The following ZNF875 variants were observed in gnomAD, a reference collection of about 807,000 sequenced individuals.
ZNF875 encodes the protein zinc finger protein 875, also known as HKR1, GLI-Kruppel zinc finger family member.
ZNF875 carries 14 observed loss-of-function variants against 11.2 expected under a neutral mutation model. The observed-to-expected ratio is 1.26, with a 90% CI of 0.83 to 1.96. ZNF875 has a LOEUF of 1.96. Among genes scored for constraint, ZNF875 ranks in the 30% most tolerant of loss-of-function variants. The probability of loss-of-function intolerance (pLI) is 0.00; values close to 1 mark genes in which losing one functional copy is unlikely to be tolerated. For synonymous variants in ZNF875, 301 were observed against 281.1 expected (o/e 1.07, Z -0.71); for missense variants, 752 against 760.4 (o/e 0.99, Z 0.13).
At chr19:37,347,684 C>T (rs2037076057) in intron 3 of ZNF875, 93 bp from the exon 4 acceptor site, 3 of 789,548 alleles carry the variant, frequency 3.8e-6, no homozygotes, top group Middle Eastern at 2.3e-4. Context: ...CTTTTTTATC[C>T]TCTGGGTTTC....
intron 3 of ZNF875, among the ~76,000 whole-genome samples, chr19:37,323,948 A>T (rs1039449966): frequency 7.2e-4 from 109 of 152,310 alleles, no homozygotes; most frequent in Middle Eastern, 3.4e-3. Flanking sequence ...ACAGTGGATC[A>T]GGAGTGGAAA....
At chr19:37,355,340 C>T (rs1306926314) in intron 4 of ZNF875, among the ~76,000 whole-genome samples, 1 of 152,138 alleles carries the variant, frequency 6.6e-6, no homozygotes, top group Non-Finnish European at 1.5e-5. Context: ...CAGGTGCACG[C>T]CACCATGCCT....
chr19:37,341,333 C>T (rs2035678511), intron 2 of ZNF875, among the ~76,000 whole-genome samples: 1 of 152,170 alleles, frequency 6.6e-6, no homozygotes, highest in Non-Finnish European at 1.5e-5. Context: ...CAGATTTCAC[C>T]TGGTCTTGTC....
At position 37,363,459 on chromosome 19, in the gene ZNF875, G is replaced by T; in HGVS notation, c.1607G>T (p.Cys536Phe). Reference sequence around the variant, plus strand: ...CATTCAGGGGAAAAGCCTTTTATGTGCAGGGAGTGTGGCAGAAGGTTTCGG... The same window carrying T: ...CATTCAGGGGAAAAGCCTTTTATGTTCAGGGAGTGTGGCAGAAGGTTTCGG... ...RTHSGEKPFMCRECGRRFRQK... is the reference protein window; with the variant it reads ...RTHSGEKPFMFRECGRRFRQK... Residue 536 changes from cysteine to phenylalanine, a missense_variant, in exon 5 of 5, where the codon TGC becomes TTC. Physicochemically the swap from Cys to Phe is radical, Grantham distance 205 (BLOSUM62 -2). Transcript: ENST00000392153. 1 of 1,613,976 alleles carries T rather than the reference G, an allele frequency of 6.2e-7. No individual in the cohort carries two copies.
rs773533428 is a variant in ZNF875 at position 37,362,906 on chromosome 19, A to G, written c.1054A>G (p.Asn352Asp). ...TGGGCAGAGCTTTAGCCTGAAGTCAAACCTCATTACCCACCAGAGGGCGCA... is the reference window on the plus strand; with the variant it reads ...TGGGCAGAGCTTTAGCCTGAAGTCAGACCTCATTACCCACCAGAGGGCGCA... ...ECGQSFSLKS[N>D]LITHQRAHTG... Residue 352 changes from asparagine (N) to aspartate (D), a missense_variant, in exon 5 of 5, where the codon AAC becomes GAC. Coordinates refer to ENST00000392153, the MANE Select transcript of ZNF875 (RefSeq NM_001353803.2). The G allele has an allele frequency of 7.4e-6, 12 of 1,613,422 alleles. No individual in the cohort carries two copies. The East Asian group carries it at 2.7e-4, about 36-fold the overall frequency.
chr19:37,335,011 C>T (rs2034033236), intron 1 of ZNF875, 158 bp from the exon 2 acceptor site: 1 of 548,672 alleles, frequency 1.8e-6, no homozygotes, highest in Non-Finnish European at 3.3e-6. Context: ...TTGAGGGTGG[C>T]TGGGTCATCC....
upstream of ZNF875, among the ~76,000 whole-genome samples, chr19:37,314,007 G>T (rs1303362629): frequency 6.6e-6 from 1 of 151,876 alleles, no homozygotes; most frequent in East Asian, 1.9e-4. Flanking sequence ...GAATGGATGT[G>T]GGTTTTTATT....
chr19:37,319,327 T>TAAACCACC (rs1241587765), intron 1 of ZNF875, among the ~76,000 whole-genome samples: 6 of 110,494 alleles, frequency 5.4e-5, no homozygotes, highest in Admixed American at 9.5e-5. Flanking sequence ...ATTACAGGTG[T>TAAACCACC]GCTCCACTGC....
In ZNF875 at chr19:37,341,892, G is replaced by T. The variant is rs527596971; in HGVS notation, c.34-5298G>T. Among the ~76,000 whole-genome samples, 41 of 152,338 alleles carry T rather than the reference G, an allele frequency of 2.7e-4. 1 individual carries two copies. The highest frequency in any genetic ancestry group is 9.4e-4 in the African/African-American group (39 of 41,566). On this transcript the variant is annotated intron_variant, in intron 2 of 4. Transcript: ENST00000392153. Reference sequence around the variant, plus strand: ...CATACAGTGGTGAGAGAGAGATACTGCAGTAGATGCTCCCATTCAGAAAGG... The same window carrying T: ...CATACAGTGGTGAGAGAGAGATACTTCAGTAGATGCTCCCATTCAGAAAGG...
chr19:37,317,107 T>C (rs1245763669), upstream of ZNF875: 2 of 144,380 alleles, frequency 1.4e-5, no homozygotes, highest in Middle Eastern at 3.9e-3. Flanking sequence ...CCGGAGTAGA[T>C]GGGATTACAG....
chr19:37,332,949 A>G (rs984860740), upstream of ZNF875, among the ~76,000 whole-genome samples: 5 of 152,196 alleles, frequency 3.3e-5, no homozygotes, highest in Admixed American at 3.3e-4. Context: ...TACTTGGCAC[A>G]CAGCACTGAG....
chr19:37,360,823 T>G (rs893325474), intron 4 of ZNF875, among the ~76,000 whole-genome samples: 1 of 152,166 alleles, frequency 6.6e-6, no homozygotes, highest in African/African-American at 2.4e-5. Flanking sequence ...AACTTTGTGC[T>G]ACTTTGTCAC....
intron 4 of ZNF875, among the ~76,000 whole-genome samples, chr19:37,350,512 T>C (rs960931950): frequency 1.3e-5 from 2 of 152,148 alleles, no homozygotes; most frequent in African/African-American, 4.8e-5. Context: ...ATAACCACAG[T>C]ACATTTCAAA....
At chr19:37,330,483 G>C (rs1408562806), upstream of ZNF875, among the ~76,000 whole-genome samples, 1 of 152,160 alleles carries the variant, frequency 6.6e-6, no homozygotes, top group East Asian at 1.9e-4. Context: ...TTTATGCACA[G>C]ACTTAATGTG....
intron 2 of ZNF875, among the ~76,000 whole-genome samples, chr19:37,336,297 ATTTTTT>A (rs34434733): frequency 8.0e-6 from 1 of 124,354 alleles, no homozygotes; most frequent in Non-Finnish European, 1.6e-5. Flanking sequence ...TTAAGATTGA[ATTTTTT>A]TTTTTTTTTT....
chr19:37,339,230 A>T (rs1407839753), intron 2 of ZNF875, among the ~76,000 whole-genome samples: 1 of 151,974 alleles, frequency 6.6e-6, no homozygotes, highest in Non-Finnish European at 1.5e-5. Context: ...TAATGGTAAA[A>T]TCATAATGGA....
At chr19:37,336,564 G>T (rs1032341278) in intron 2 of ZNF875, among the ~76,000 whole-genome samples, 1 of 151,160 alleles carries the variant, frequency 6.6e-6, no homozygotes, top group Non-Finnish European at 1.5e-5. Context: ...CTCCCAAAGT[G>T]CTGGGATTAC....
intron 4 of ZNF875, chr19:37,357,817 C>A (rs1257533784): frequency 2.5e-6 from 1 of 392,928 alleles, no homozygotes; most frequent in Non-Finnish European, 4.5e-6. Context: ...GGATTCTTGG[C>A]GAACAGAGAT....
intron 2 of ZNF875, among the ~76,000 whole-genome samples, chr19:37,343,111 G>T (rs941885851): frequency 1.1e-4 from 17 of 152,112 alleles, no homozygotes; most frequent in Admixed American, 4.6e-4. Flanking sequence ...GGCCGAGGCG[G>T]GCGGATCATG....
Sources: allele counts gnomAD v4.1 joint callset (sites outside exome capture counted in the v4.1 genomes callset), GRCh38; gene constraint gnomAD v4.1.1; transcripts MANE v1.5; gene names NCBI Gene and HGNC (gene_info 2026-07-23, HGNC 2026-07-21).